Variants in INSL6 observed in about 807,000 individuals in gnomAD.
The protein encoded by INSL6 is insulin like 6.
Under a neutral mutation model 9.4 loss-of-function variants are expected in INSL6, and 16 were observed. That is an observed-to-expected ratio of 1.70 (90% CI 1.15 to 2.59). The LOEUF is 2.59. Among genes scored for constraint, INSL6 ranks in the 30% most tolerant of loss-of-function variants. The pLI, the probability that INSL6 is intolerant of heterozygous loss-of-function variation, is 0.00. For synonymous variants in INSL6, 154 were observed against 96.9 expected (o/e 1.59, Z -3.46); for missense variants, 391 against 257.3 (o/e 1.52, Z -3.56).
the INSL6 span, among the ~76,000 whole-genome samples, chr9:5,002,630 T>C: frequency 3.9e-5 from 6 of 152,006 alleles, no homozygotes; most frequent in Non-Finnish European, 8.8e-5. Context: ...GTTCTGTAAA[T>C]GTCAGTTATA....
At chr9:5,035,956 T>C in the INSL6 span, among the ~76,000 whole-genome samples, 1 of 152,212 alleles carries the variant, frequency 6.6e-6, no homozygotes, top group Non-Finnish European at 1.5e-5. Flanking sequence ...TGTTTGCAGA[T>C]GACATGATTG....
downstream of INSL6, among the ~76,000 whole-genome samples, chr9:5,161,043 C>T (rs2130902897): frequency 6.6e-6 from 1 of 152,184 alleles, no homozygotes; most frequent in South Asian, 2.1e-4. Flanking sequence ...TCAAACTAAT[C>T]CAAAAAGTAG....
chr9:4,999,001 A>G, the INSL6 span, among the ~76,000 whole-genome samples: 1 of 148,788 alleles, frequency 6.7e-6, no homozygotes, highest in Admixed American at 6.6e-5. Flanking sequence ...TTTTTTTTGT[A>G]TTTTCAGTAG....
chr9:5,085,743 C>T, the INSL6 span: 879 of 753,482 alleles, frequency 1.2e-3, 5 homozygotes, highest in African/African-American at 0.013. Flanking sequence ...GGCTGTGGCG[C>T]GCTGGCTAGC....
At chr9:5,171,567 A>ACATAGACACCCCATCTAGAACACAAT in intron 1 of INSL6, among the ~76,000 whole-genome samples, 1 of 151,928 alleles carries the variant, frequency 6.6e-6, no homozygotes, top group Admixed American at 6.6e-5. Flanking sequence ...TGACATGCAA[A>ACATAGACACCCCATCTAGAACACAAT]CATAGACACC....
At chr9:5,090,459 A>C in the INSL6 span, 2 of 1,564,424 alleles carry the variant, frequency 1.3e-6, no homozygotes. Flanking sequence ...GGCGTAATCT[A>C]AAATTAATTA....
rs1198021339 is a variant in INSL6, at chr9:5,164,171, T to C, written c.384A>G (p.Thr128=). ...DKKGYSPLGK[T]REFSSSHNIN... ...TATTATGTGATGAAGAAAATTCTCT[T>C]GTCTTACCAAGGGGTGAATATCCCT... Residue 128 remains threonine (T), a synonymous_variant, in exon 2 of 2, where the codon ACA becomes ACG. Transcript: ENST00000381641. The C allele has an allele frequency of 6.2e-7, 1 of 1,607,606 alleles. No homozygotes were observed. Among genetic ancestry groups the C allele is most frequent in the East Asian group, 2.2e-5 (1 of 44,780 alleles).
At chr9:5,030,667 T>C in the INSL6 span, among the ~76,000 whole-genome samples, 6 of 152,234 alleles carry the variant, frequency 3.9e-5, no homozygotes, top group Admixed American at 2.0e-4. Context: ...AATCACCTCA[T>C]GTGTACTTCA....
At chr9:5,051,100 T>C in the INSL6 span, among the ~76,000 whole-genome samples, 1 of 152,190 alleles carries the variant, frequency 6.6e-6, no homozygotes. Flanking sequence ...CAAAAAGTTC[T>C]GGATTTTGGA....
downstream of INSL6, among the ~76,000 whole-genome samples, chr9:5,159,025 T>G (rs780553925): frequency 7.9e-5 from 12 of 152,182 alleles, no homozygotes; most frequent in Non-Finnish European, 1.6e-4. Flanking sequence ...GTTATTAGTT[T>G]TCTTTTTGCT....
At chr9:5,162,523 A>T (rs1824948125), downstream of INSL6, among the ~76,000 whole-genome samples, 2 of 152,204 alleles carry the variant, frequency 1.3e-5, no homozygotes, top group African/African-American at 4.8e-5. Flanking sequence ...ATACCCTTTT[A>T]AACTGGATCG....
At chr9:5,111,624 T>C in the INSL6 span, 1 of 374,754 alleles carries the variant, frequency 2.7e-6, no homozygotes, top group Admixed American at 3.6e-5. Context: ...TTTGGCCCCA[T>C]GCTGGGCGGG....
At chr9:5,110,098 C>G in the INSL6 span, 1 of 152,270 alleles carries the variant, frequency 6.6e-6, no homozygotes, top group East Asian at 1.9e-4. Flanking sequence ...AATCCCCTTC[C>G]ATTAATTCGC....
At chr9:5,119,264 T>C (rs1823435370), downstream of INSL6, among the ~76,000 whole-genome samples, 1 of 152,128 alleles carries the variant, frequency 6.6e-6, no homozygotes, top group African/African-American at 2.4e-5. Context: ...TGTGATTTTT[T>C]TAAAACCTGA....
At chr9:5,035,975 G>C in the INSL6 span, among the ~76,000 whole-genome samples, 1 of 152,094 alleles carries the variant, frequency 6.6e-6, no homozygotes, top group African/African-American at 2.4e-5. Context: ...TGTATATCTG[G>C]AAAACCCCAT....
At chr9:5,081,194 C>T in the INSL6 span, among the ~76,000 whole-genome samples, 1 of 151,532 alleles carries the variant, frequency 6.6e-6, no homozygotes, top group East Asian at 1.9e-4. Context: ...CGCTCCCAGC[C>T]AAAAAGACCT....
At chr9:5,117,427 C>T in the INSL6 span, among the ~76,000 whole-genome samples, 5 of 152,124 alleles carry the variant, frequency 3.3e-5, no homozygotes, top group East Asian at 9.6e-4. Flanking sequence ...AGTGTGGGGA[C>T]TTTAGGGTGT....
chr9:5,017,902 G>C, the INSL6 span, among the ~76,000 whole-genome samples: 62 of 152,222 alleles, frequency 4.1e-4, no homozygotes, highest in Non-Finnish European at 4.9e-4. Flanking sequence ...TCTCTTTACT[G>C]TTTGTGACTT....
chr9:5,085,248 T>TA, the INSL6 span: 1 of 676,102 alleles, frequency 1.5e-6, no homozygotes, highest in East Asian at 3.3e-5. Context: ...GACCAGTGGC[T>TA]AACCTGAGAT....
Sources: gnomAD v4.1 joint callset for allele counts (sites outside exome capture counted in the v4.1 genomes callset) on GRCh38, gnomAD v4.1.1 for gene constraint, MANE v1.5 for transcripts, NCBI Gene and HGNC (gene_info 2026-07-23, HGNC 2026-07-21) for gene names.